TTL: variants seen among roughly 807,000 people sequenced by gnomAD.
TTL encodes tubulin--tyrosine ligase.
Under a neutral mutation model 41.1 loss-of-function variants are expected in TTL, and 10 were observed. The ratio of observed to expected loss-of-function variants is 0.24; its 90% CI spans 0.15 to 0.41. The LOEUF is 0.41. Ranked by LOEUF, TTL falls within the 10% of genes least tolerant of loss-of-function variation. TTL has a pLI of 1.00. For missense variants in TTL, 367 were observed against 460.4 expected, an observed-to-expected ratio of 0.80 and a Z score of 1.86; for synonymous variants, 175 against 175.5, an observed-to-expected ratio of 1.00 and a Z score of 0.02.
rs1682665526 is a variant in TTL, at chr2:112,539,279, C to A, written c.*10484C>A. ...CAGACCTCAGCATCACCCAATATAC[C>A]TTTGTAACAAATTCGCACATGTACC... On this transcript the variant is annotated 3_prime_UTR_variant, in exon 7 of 7. Coordinates refer to ENST00000233336, the MANE Select transcript of TTL (RefSeq NM_153712.5). The A allele has an allele frequency of 6.6e-6, 1 of 152,070 alleles. No homozygotes were observed. Among genetic ancestry groups the A allele is most frequent in the Non-Finnish European group, 1.5e-5 (1 of 68,024 alleles). 9.4% of individuals were successfully genotyped at this position (152,070 alleles called of 1,614,324 possible).
intron 3 of TTL, among the ~76,000 whole-genome samples, chr2:112,499,570 G>C (rs1377661821): frequency 6.6e-6 from 1 of 152,226 alleles, no homozygotes; most frequent in Non-Finnish European, 1.5e-5. Context: ...GCTTGGCAAA[G>C]AGTTCTTGAG....
chr2:112,523,333 TGTGGGTGTGTGTGTGTCTG>T (rs1559020384), intron 6 of TTL, among the ~76,000 whole-genome samples: 1 of 100,016 alleles, frequency 1.0e-5, no homozygotes, highest in East Asian at 3.2e-4. Context: ...AGAAACTGTC[TGTGGGTGTGTGTGTGTCTG>T]TGTGTGTGTG....
At chr2:112,489,655 A>G (rs1368031842) in intron 2 of TTL, among the ~76,000 whole-genome samples, 2 of 152,212 alleles carry the variant, frequency 1.3e-5, no homozygotes, top group Admixed American at 6.5e-5. Flanking sequence ...TGCTATTACA[A>G]TTAACATTTT....
In TTL at chr2:112,509,496, G is replaced by T. The variant is rs192765101; in HGVS notation, c.875+6315G>T. ...CGTGGGCGTAGGACCCTCTGAGCCA[G>T]GTGTGGGATATAATCTCATGGTGCG... On this transcript the variant is annotated intron_variant, in intron 5 of 6. Coordinates refer to ENST00000233336, the MANE Select transcript of TTL (RefSeq NM_153712.5). 3.3e-3 allele frequency among the ~76,000 whole-genome samples: 500 copies of T among 152,356 alleles called. 3 individuals are homozygous for T. Among genetic ancestry groups the T allele is most frequent in the African/African-American group, 0.011 (456 of 41,574 alleles).
chr2:112,521,520 G>A (rs1398625687), intron 6 of TTL, among the ~76,000 whole-genome samples: 4 of 152,188 alleles, frequency 2.6e-5, no homozygotes, highest in Non-Finnish European at 4.4e-5. Context: ...AGAAAGTCCC[G>A]TACCTGCAAG....
intron 2 of TTL, among the ~76,000 whole-genome samples, chr2:112,491,784 C>T (rs777578279): frequency 1.3e-5 from 2 of 152,130 alleles, no homozygotes; most frequent in Non-Finnish European, 2.9e-5. Context: ...CTCCTTTACA[C>T]AACCGTTTTT....
chr2:112,510,613 AG>A (rs1193116794), intron 5 of TTL, among the ~76,000 whole-genome samples: 1 of 152,138 alleles, frequency 6.6e-6, no homozygotes, highest in African/African-American at 2.4e-5. Flanking sequence ...CTGGGATTAC[AG>A]GCATGTGCCA....
In TTL at chr2:112,534,670, G is replaced by A. The variant is rs949476298; in HGVS notation, c.*5875G>A. ...TTGTCAAAAAAAATCAACAGCAATT[G>A]TTGAACATCTCAGCTTCCTAAGGTG... is the stretch of plus-strand genomic sequence containing the variant. On this transcript the variant is annotated 3_prime_UTR_variant, in exon 7 of 7. Coordinates refer to ENST00000233336, the MANE Select transcript of TTL (RefSeq NM_153712.5). The A allele has an allele frequency of 2.0e-5, 3 of 152,194 alleles. No individual in the cohort carries two copies. Among genetic ancestry groups the A allele is most frequent in the Non-Finnish European group, 4.4e-5 (3 of 68,040 alleles). 9.4% of individuals were successfully genotyped at this position (152,194 alleles called of 1,614,324 possible).
intron 6 of TTL, among the ~76,000 whole-genome samples, chr2:112,523,826 G>C (rs1682305542): frequency 6.6e-6 from 1 of 151,628 alleles, no homozygotes; most frequent in African/African-American, 2.4e-5. Flanking sequence ...TTAAGTTCTA[G>C]GGTACATGTG....
chr2:112,523,358 G>GTGTC (rs386390913), intron 6 of TTL, among the ~76,000 whole-genome samples: 1 of 151,602 alleles, frequency 6.6e-6, no homozygotes, highest in African/African-American at 2.4e-5. Context: ...GTCTGTGTGT[G>GTGTC]TGTGTGTGTG....
intron 5 of TTL, among the ~76,000 whole-genome samples, chr2:112,516,495 G>A (rs1682073746): frequency 6.6e-6 from 1 of 152,164 alleles, no homozygotes; most frequent in African/African-American, 2.4e-5. Flanking sequence ...CCAATATGGT[G>A]AAACCCTGTC....
intron 3 of TTL, among the ~76,000 whole-genome samples, chr2:112,497,510 G>A (rs1198778903): frequency 2.0e-5 from 3 of 152,198 alleles, no homozygotes; most frequent in East Asian, 3.9e-4. Flanking sequence ...TTCTTATTTT[G>A]TAGGTATAAA....
chr2:112,503,796 C>T (rs895670624), intron 5 of TTL, among the ~76,000 whole-genome samples: 28 of 128,622 alleles, frequency 2.2e-4, no homozygotes, highest in Non-Finnish European at 3.1e-4. Flanking sequence ...TTCTTTTATC[C>T]GTAAACTTCT....
At chr2:112,490,065 GTA>G (rs890184974) in intron 2 of TTL, among the ~76,000 whole-genome samples, 1 of 152,158 alleles carries the variant, frequency 6.6e-6, no homozygotes, top group Non-Finnish European at 1.5e-5. Flanking sequence ...GAATCATTGA[GTA>G]TATACAGAAC....
intron 5 of TTL, among the ~76,000 whole-genome samples, chr2:112,503,420 T>TAC (rs1553513491): frequency 1.6e-5 from 2 of 128,400 alleles, no homozygotes; most frequent in African/African-American, 2.8e-5. Context: ...TATATATATA[T>TAC]TTATATATTT....
At chr2:112,494,928 C>G (rs1681487565) in intron 3 of TTL, among the ~76,000 whole-genome samples, 1 of 152,214 alleles carries the variant, frequency 6.6e-6, no homozygotes, top group African/African-American at 2.4e-5. Context: ...AGTTCTCCTT[C>G]CAGACAATAA....
intron 2 of TTL, among the ~76,000 whole-genome samples, chr2:112,493,640 C>G: frequency 6.6e-6 from 1 of 152,074 alleles, no homozygotes; most frequent in East Asian, 1.9e-4. Context: ...AGAAAAATAC[C>G]TTTTTTATTC....
At chr2:112,516,902 A>G (rs12464442) in intron 5 of TTL, among the ~76,000 whole-genome samples, 150,147 of 152,290 alleles carry the variant, frequency 0.99, 74,055 homozygotes, top group East Asian at 1. Context: ...GATAAATCAA[A>G]TATGCTGGAA....
chr2:112,489,387 A>T (rs1681322921), intron 2 of TTL, among the ~76,000 whole-genome samples: 1 of 152,240 alleles, frequency 6.6e-6, no homozygotes, highest in Non-Finnish European at 1.5e-5. Context: ...AAGCCAGAAG[A>T]TCTATTTCCT....
Sources: gnomAD v4.1 joint callset for allele counts (sites outside exome capture counted in the v4.1 genomes callset) on GRCh38, gnomAD v4.1.1 for gene constraint, MANE v1.5 for transcripts, NCBI Gene and HGNC (gene_info 2026-07-23, HGNC 2026-07-21) for gene names.